The following SHBG variants were observed in gnomAD, a reference collection of about 807,000 sequenced individuals.
SHBG encodes sex hormone-binding globulin.
In SHBG, 37 loss-of-function variants were observed where a neutral mutation model predicts 41.9. That is an observed-to-expected ratio of 0.88 (90% CI 0.68 to 1.16). The LOEUF (loss-of-function observed/expected upper bound fraction) is 1.16, where lower values mean the gene tolerates loss of function less well. Ranked by LOEUF, SHBG falls within the 50% of genes most tolerant of loss-of-function variation. The pLI, the probability that SHBG is intolerant of heterozygous loss-of-function variation, is 0.00. For synonymous variants in SHBG, 217 were observed against 205.8 expected (o/e 1.05, Z -0.47); for missense variants, 466 against 499.9 (o/e 0.93, Z 0.65).
Position 7,630,610 on chromosome 17 carries a change from C to A in SHBG, c.204-70C>A. The stretch of plus-strand genomic sequence containing the variant: ...TCCTTTCCTTATCTGTGAACACCAT[C>A]TCCCCCAAACCCACACTGGTTCTCA... On this transcript the variant is annotated intron_variant, in intron 2 of 7. Coordinates refer to ENST00000380450, the MANE Select transcript of SHBG (RefSeq NM_001040.5). This position sits in a 1 kb window ranked among gnomAD's most constrained non-coding sequence, Gnocchi z 4.6. 6.5e-7 allele frequency: 1 copy of A among 1,538,980 alleles called. No individual in the cohort carries two copies. Among genetic ancestry groups the A allele is most frequent in the Non-Finnish European group, 9.0e-7 (1 of 1,113,768 alleles).
At chr17:7,621,601 TAAAAAAAAAAAAA>T (rs747951932) in intron 1 of SHBG, among the ~76,000 whole-genome samples, 1 of 46,946 alleles carries the variant, frequency 2.1e-5, no homozygotes, top group African/African-American at 9.4e-5. Flanking sequence ...AGTCTCCGTC[TAAAAAAAAAAAAA>T]AAAAAAAAAA....
At chr17:7,630,096 C>T (rs2072348060), upstream of SHBG, 3 of 1,237,294 alleles carry the variant, frequency 2.4e-6, no homozygotes, top group African/African-American at 1.5e-5. This position sits in a 1 kb window ranked among gnomAD's most constrained non-coding sequence, Gnocchi z 4.6. Context: ...AACCCTCCAC[C>T]GCCCACACGC....
At chr17:7,626,880 G>C (rs563291089), upstream of SHBG, 89 of 1,602,952 alleles carry the variant, frequency 5.6e-5, no homozygotes, top group African/African-American at 1.1e-3. Flanking sequence ...CTGGGGACAG[G>C]GGATAACAGT....
intron 1 of SHBG, among the ~76,000 whole-genome samples, chr17:7,617,982 G>A (rs1248568327): frequency 6.6e-6 from 1 of 152,138 alleles, no homozygotes; most frequent in Non-Finnish European, 1.5e-5. Flanking sequence ...ACTTTGGGAT[G>A]CCGAGGTGGG....
At position 7,631,288 on chromosome 17, in the gene SHBG, C is replaced by T. The variant is rs1471358407; in HGVS notation, c.482C>T (p.Thr161Ile). 6.2e-7 allele frequency: 1 copy of T among 1,613,628 alleles called. No homozygotes were observed. The highest frequency in any genetic ancestry group is 1.3e-5 in the African/African-American group (1 of 74,888). The change falls in exon 4 of 8, where the codon ACC (threonine) becomes ATC (isoleucine). Residue 161 changes from threonine (T) to isoleucine (I), a missense_variant. Thr to Ile is a moderately conservative substitution (Grantham distance 89). Coordinates refer to ENST00000380450, the MANE Select transcript of SHBG (RefSeq NM_001040.5). ...LRLRQVSGPL[T>I]SKRHPIMRIA... Reference sequence around the variant, plus strand: ...CTGAGACAGGTCTCTGGGCCCCTGACCAGCAAACGCCATCCCATCATGAGG... The same window carrying T: ...CTGAGACAGGTCTCTGGGCCCCTGATCAGCAAACGCCATCCCATCATGAGG...
At chr17:7,620,713 C>T (rs556029723) in intron 1 of SHBG, among the ~76,000 whole-genome samples, 1 of 152,056 alleles carries the variant, frequency 6.6e-6, no homozygotes, top group African/African-American at 2.4e-5. Context: ...TCTCTACAAC[C>T]TCTGCCTCCC....
At chr17:7,631,395 G>A (rs1480089697) in intron 4 of SHBG, 34 bp downstream of exon 4, 4 of 1,608,078 alleles carry the variant, frequency 2.5e-6, no homozygotes, top group South Asian at 1.1e-5. Context: ...CCCTAGCCAA[G>A]ACTTGGTAAA....
chr17:7,624,406 C>A (rs1197384394), upstream of SHBG, among the ~76,000 whole-genome samples: 2 of 151,810 alleles, frequency 1.3e-5, no homozygotes, highest in African/African-American at 4.8e-5. Flanking sequence ...CCACCACACC[C>A]AGCTAATTTT....
At chr17:7,621,567 C>T (rs936945106) in intron 1 of SHBG, among the ~76,000 whole-genome samples, 7 of 102,306 alleles carry the variant, frequency 6.8e-5, no homozygotes, top group Admixed American at 5.0e-4. Flanking sequence ...TGCCACTACA[C>T]TCCAGCCTGG....
chr17:7,630,851 T>C lies in SHBG; in HGVS notation c.375T>C (p.Asp125=). The change falls in exon 3 of 8, where the codon GAT becomes GAC. Residue 125 remains aspartate, a synonymous_variant. Coordinates refer to ENST00000380450, the MANE Select transcript of SHBG (RefSeq NM_001040.5). This position sits in a 1 kb window ranked among gnomAD's most constrained non-coding sequence, Gnocchi z 4.6. ...CGGTGGGTGCTGGACCACGGCTGGA[T>C]GATGGGAGATGGCACCAGGTAAGCT... is the stretch of plus-strand genomic sequence containing the variant. The part of the protein sequence containing the change: ...QLTVGAGPRL[D]DGRWHQVEVK... 2 of 1,613,202 alleles carry C rather than the reference T, an allele frequency of 1.2e-6. No homozygotes were observed. The highest frequency in any genetic ancestry group is 1.7e-6 in the Non-Finnish European group (2 of 1,179,966).
At chr17:7,626,687 C>G, upstream of SHBG, 1 of 1,612,320 alleles carries the variant, frequency 6.2e-7, no homozygotes, top group Non-Finnish European at 8.5e-7. Flanking sequence ...TCTTTCAACC[C>G]GGGTCCCCCC....
chr17:7,627,623 G>T (rs753348551), upstream of SHBG: 64 of 1,613,620 alleles, frequency 4.0e-5, 3 homozygotes, highest in South Asian at 6.4e-4. The surrounding 1 kb of genome is among the most constrained non-coding windows in gnomAD (Gnocchi z 4.8). Flanking sequence ...TCTCGGATCC[G>T]CACGGAAGCC....
Position 7,630,594 on chromosome 17 carries a change from T to C in SHBG, c.204-86T>C. On this transcript the variant is annotated intron_variant, in intron 2 of 7. Coordinates refer to ENST00000380450, the MANE Select transcript of SHBG (RefSeq NM_001040.5). The surrounding 1 kb of genome is among the most constrained non-coding windows in gnomAD (Gnocchi z 4.6). ...TCTCTTTTCCCTGTCTTCCTTTCCT[T>C]ATCTGTGAACACCATCTCCCCCAAA... The C allele has an allele frequency of 6.5e-7, 1 of 1,539,398 alleles. No individual in the cohort carries two copies. The highest frequency in any genetic ancestry group is 9.0e-7 in the Non-Finnish European group (1 of 1,113,544).
At chr17:7,620,468 C>T (rs998746906) in intron 1 of SHBG, among the ~76,000 whole-genome samples, 1 of 152,084 alleles carries the variant, frequency 6.6e-6, no homozygotes, top group African/African-American at 2.4e-5. Flanking sequence ...AGCCGTTTGC[C>T]CCCACATCTG....
At chr17:7,627,973 C>G, upstream of SHBG, 1 of 522,400 alleles carries the variant, frequency 1.9e-6, no homozygotes, top group Non-Finnish European at 3.7e-6. This position sits in a 1 kb window ranked among gnomAD's most constrained non-coding sequence, Gnocchi z 4.8. Context: ...GATCTTGTGA[C>G]TGGGCTCCTG....
At chr17:7,616,823 C>G (rs899908992) in intron 1 of SHBG, among the ~76,000 whole-genome samples, 1 of 152,040 alleles carries the variant, frequency 6.6e-6, no homozygotes, top group African/African-American at 2.4e-5. Flanking sequence ...GTAAACCCAG[C>G]TACTTGGGAG....
At chr17:7,618,600 C>T (rs1382867553) in intron 1 of SHBG, among the ~76,000 whole-genome samples, 1 of 152,140 alleles carries the variant, frequency 6.6e-6, no homozygotes, top group Non-Finnish European at 1.5e-5. Context: ...AGCCACTGCG[C>T]CCGGCCCACA....
rs765028671 is a variant in SHBG, at chr17:7,630,898, G to A, written c.393+29G>A. ...AGCTAGCTCTGGTCCTCAGGGGAGG[G>A]ATGTCTGGAGCTGGTCTGAGGAAAG... On this transcript the variant is annotated intron_variant, in intron 3 of 7. Transcript: ENST00000380450. This position sits in a 1 kb window ranked among gnomAD's most constrained non-coding sequence, Gnocchi z 4.6. The A allele has an allele frequency of 6.3e-7, 1 of 1,599,760 alleles. No individual in the cohort carries two copies. The highest frequency in any genetic ancestry group is 8.5e-7 in the Non-Finnish European group (1 of 1,170,222).
At chr17:7,627,376 C>A (rs1387140228), upstream of SHBG, 1 of 1,614,076 alleles carries the variant, frequency 6.2e-7, no homozygotes, top group Non-Finnish European at 8.5e-7. This position sits in a 1 kb window ranked among gnomAD's most constrained non-coding sequence, Gnocchi z 4.8. Flanking sequence ...CTTCACTGAT[C>A]TTCACCTGAT....
Sources: gnomAD v4.1 joint callset for allele counts (sites outside exome capture counted in the v4.1 genomes callset) on GRCh38, gnomAD v4.1.1 for gene constraint, Gnocchi (gnomAD v3.1) non-coding constraint, MANE v1.5 for transcripts, NCBI Gene and HGNC (gene_info 2026-07-23, HGNC 2026-07-21) for gene names.